Variants in PWWP2A observed in about 807,000 individuals in gnomAD.
PWWP2A encodes PWWP domain-containing protein 2A.
In PWWP2A, 18 loss-of-function variants were observed where a neutral mutation model predicts 48.5. The observed-to-expected ratio is 0.37, with a 90% CI of 0.26 to 0.55. The LOEUF (loss-of-function observed/expected upper bound fraction) is 0.55. Ranked by LOEUF, PWWP2A falls within the 20% of genes least tolerant of loss-of-function variation. PWWP2A has a pLI of 0.81. For missense variants in PWWP2A, 867 were observed against 976.4 expected (o/e 0.89, Z 1.49); for synonymous variants, 396 against 387.7 (o/e 1.02, Z -0.25).
At chr5:160,088,114 T>C (rs1482328731), downstream of PWWP2A, among the ~76,000 whole-genome samples, 1 of 152,256 alleles carries the variant, frequency 6.6e-6, no homozygotes, top group African/African-American at 2.4e-5. Flanking sequence ...GAAGGGCCTA[T>C]TAACTAAATC....
chr5:160,045,554 C>CTCTCTCTCT, the PWWP2A span, among the ~76,000 whole-genome samples: 50 of 116,028 alleles, frequency 4.3e-4, no homozygotes, highest in Middle Eastern at 9.7e-3. Flanking sequence ...TCTCTCTCTC[C>CTCTCTCTCT]CCCTCCCCTC....
intron 1 of PWWP2A, among the ~76,000 whole-genome samples, chr5:160,098,508 A>T (rs964904263): frequency 3.3e-5 from 5 of 152,208 alleles, no homozygotes; most frequent in Non-Finnish European, 7.3e-5. Flanking sequence ...TTACCAAACT[A>T]AGGATGGAGA....
downstream of PWWP2A, among the ~76,000 whole-genome samples, chr5:160,074,442 A>AAAATAAAT (rs70987994): frequency 7.6e-3 from 1,146 of 150,936 alleles, 8 homozygotes; most frequent in Non-Finnish European, 0.013. Context: ...CTGTCTCAAA[A>AAAATAAAT]AAATAAATAA....
At chr5:160,048,763 C>A in the PWWP2A span, among the ~76,000 whole-genome samples, 1 of 152,082 alleles carries the variant, frequency 6.6e-6, no homozygotes, top group African/African-American at 2.4e-5. Flanking sequence ...CTAGCCTGGC[C>A]AACATAATGA....
chr5:160,116,332 T>C (rs1758136103), intron 1 of PWWP2A, among the ~76,000 whole-genome samples: 1 of 152,106 alleles, frequency 6.6e-6, no homozygotes, highest in South Asian at 2.1e-4. Context: ...GCTGGGCCCC[T>C]GTAATCCCAG....
At position 160,096,683 on chromosome 5, in the gene PWWP2A, G is replaced by A. The variant is rs375759971; in HGVS notation, c.585-2618C>T. On this transcript the variant is annotated intron_variant, in intron 1 of 1. Coordinates refer to ENST00000307063, the MANE Select transcript of PWWP2A (RefSeq NM_001130864.2). ...CTCACTCTGTCACTCAAGCTGGAAC[G>A]CAGTGGTGCAATCATGGATTGCTGC... Among the ~76,000 whole-genome samples the A allele has an allele frequency of 2.6e-5, 4 of 152,124 alleles. No homozygotes were observed. The South Asian group carries it at 6.2e-4, about 24-fold the overall frequency.
At chr5:160,071,540 T>A (rs1227707048), downstream of PWWP2A, among the ~76,000 whole-genome samples, 1 of 152,176 alleles carries the variant, frequency 6.6e-6, no homozygotes, top group Non-Finnish European at 1.5e-5. Flanking sequence ...TGCAAGTGAA[T>A]GGTTGCTTTA....
intron 5 of PWWP2A, among the ~76,000 whole-genome samples, chr5:160,062,780 C>G (rs530266667): frequency 5.9e-5 from 9 of 152,192 alleles, no homozygotes; most frequent in African/African-American, 2.2e-4. Context: ...TTCCCAGTAC[C>G]AACATTTTCT....
the PWWP2A span, among the ~76,000 whole-genome samples, chr5:160,051,633 C>T: frequency 0.072 from 10,922 of 152,058 alleles, 473 homozygotes; most frequent in African/African-American, 0.12. Context: ...TGAGAACACA[C>T]GAGAGGGCAG....
chr5:160,070,529 A>G (rs1007452671), intron 2 of PWWP2A, among the ~76,000 whole-genome samples: 21 of 152,184 alleles, frequency 1.4e-4, no homozygotes, highest in African/African-American at 5.1e-4. Context: ...CTTCCCTTCC[A>G]TCACAAGCAC....
chr5:160,101,331 T>C (rs891480092), intron 1 of PWWP2A, among the ~76,000 whole-genome samples: 15 of 152,162 alleles, frequency 9.9e-5, no homozygotes, highest in African/African-American at 2.2e-4. Flanking sequence ...GCCAGGGTGA[T>C]AGAGTGAGAC....
intron 2 of PWWP2A, among the ~76,000 whole-genome samples, chr5:160,085,151 C>T (rs1179099228): frequency 6.6e-6 from 1 of 151,046 alleles, no homozygotes; most frequent in Admixed American, 6.6e-5. Context: ...GCCTCAGCCT[C>T]CCGAGTAGCT....
chr5:160,098,990 T>C (rs1755974964), intron 1 of PWWP2A, among the ~76,000 whole-genome samples: 1 of 152,122 alleles, frequency 6.6e-6, no homozygotes, highest in African/African-American at 2.4e-5. Flanking sequence ...TCAAGTACAG[T>C]CTGTGAAAAA....
chr5:160,051,375 G>C, the PWWP2A span, among the ~76,000 whole-genome samples: 2 of 152,104 alleles, frequency 1.3e-5, no homozygotes, highest in African/African-American at 2.4e-5. Context: ...TTGGAAACCA[G>C]ATTTCCTTTT....
At chr5:160,090,569 A>C, downstream of PWWP2A, 1 of 984,500 alleles carries the variant, frequency 1.0e-6, no homozygotes. Flanking sequence ...TGTTTATTAT[A>C]ATCAAAAAGC....
intron 1 of PWWP2A, chr5:160,116,573 A>C (rs1482431765): frequency 1.7e-6 from 1 of 587,252 alleles, no homozygotes; most frequent in East Asian, 1.4e-4. Flanking sequence ...GCTGTTTCTA[A>C]GCACTGATAG....
In PWWP2A at chr5:160,091,789, T is replaced by C. The variant is rs1476300548; in HGVS notation, c.*593A>G. On this transcript the variant is annotated 3_prime_UTR_variant, in exon 2 of 2. Coordinates refer to ENST00000307063, the MANE Select transcript of PWWP2A (RefSeq NM_001130864.2). ...TGTAACTGAATTGCAACCATCTGTTTGTCAAACACCTAACCATCTAACTTT... is the reference window on the plus strand; with the variant it reads ...TGTAACTGAATTGCAACCATCTGTTCGTCAAACACCTAACCATCTAACTTT... 7.1e-6 allele frequency: 7 copies of C among 985,132 alleles called. No homozygotes were observed. Among genetic ancestry groups the C allele is most frequent in the Non-Finnish European group, 8.4e-6 (7 of 829,892 alleles). 61.0% of individuals were successfully genotyped at this position (985,132 alleles called of 1,614,324 possible). A position where few individuals can be genotyped will look rare whatever the true frequency, so the allele number is the denominator to read the frequency against.
intron 1 of PWWP2A, among the ~76,000 whole-genome samples, chr5:160,117,283 G>C (rs181428687): frequency 9.9e-5 from 15 of 152,188 alleles, no homozygotes; most frequent in South Asian, 2.1e-4. Context: ...AGCACAGCAA[G>C]ACCCTGTCTC....
At chr5:160,049,443 G>C in the PWWP2A span, 1 of 1,324,802 alleles carries the variant, frequency 7.5e-7, no homozygotes, top group Non-Finnish European at 1.0e-6. Context: ...ATTGATGAAG[G>C]AATCTGATAT....
Sources: allele counts gnomAD v4.1 joint callset (sites outside exome capture counted in the v4.1 genomes callset), GRCh38; gene constraint gnomAD v4.1.1; transcripts MANE v1.5; gene names NCBI Gene and HGNC (gene_info 2026-07-23, HGNC 2026-07-21).